MARCHF7: variants seen among roughly 807,000 people sequenced by gnomAD.
The protein encoded by MARCHF7 is membrane associated ring-CH-type finger 7.
MARCHF7 carries 20 observed loss-of-function variants against 76.5 expected under a neutral mutation model. The ratio of observed to expected loss-of-function variants is 0.26; its 90% CI spans 0.18 to 0.38. The LOEUF (loss-of-function observed/expected upper bound fraction) is 0.38. Ranked by LOEUF, MARCHF7 falls within the 10% of genes least tolerant of loss-of-function variation. MARCHF7 has a pLI of 1.00. For synonymous variants in MARCHF7, 295 were observed against 293.0 expected, an observed-to-expected ratio of 1.01 and a Z score of -0.07; for missense variants, 797 against 812.9, an observed-to-expected ratio of 0.98 and a Z score of 0.24.
chr2:159,735,434 A>G (rs1331346847), intron 4 of MARCHF7, among the ~76,000 whole-genome samples: 1 of 152,258 alleles, frequency 6.6e-6, no homozygotes, highest in Non-Finnish European at 1.5e-5. Flanking sequence ...TCTTCAGTAT[A>G]TTCACAGAGC....
chr2:159,715,236 T>C (rs1050299567), intron 2 of MARCHF7, among the ~76,000 whole-genome samples: 2 of 152,208 alleles, frequency 1.3e-5, no homozygotes, highest in African/African-American at 4.8e-5. Context: ...TTACTTGAAT[T>C]CACCAAAGCA....
At chr2:159,718,273 A>T (rs1701259656) in intron 3 of MARCHF7, among the ~76,000 whole-genome samples, 1 of 152,216 alleles carries the variant, frequency 6.6e-6, no homozygotes, top group African/African-American at 2.4e-5. Context: ...TTAGGCAAAG[A>T]TTGACTTATT....
At chr2:159,731,997 G>A (rs757067289) in intron 4 of MARCHF7, among the ~76,000 whole-genome samples, 44 of 151,892 alleles carry the variant, frequency 2.9e-4, no homozygotes, top group Non-Finnish European at 3.4e-4. Flanking sequence ...CCAGCTACTC[G>A]GGAGGCTGAG....
In MARCHF7 at chr2:159,735,614, T is replaced by TC. The variant is rs145991624; in HGVS notation, c.153+6439_153+6440insC. ...TCTTTTGTTAGTAGCTTCTTTGACT[T>TC]AGCATATTTTCAGTGTTCATCTATA... is the stretch of plus-strand genomic sequence containing the variant. On this transcript the variant is annotated intron_variant, in intron 4 of 11. Coordinates refer to ENST00000409175, the MANE Select transcript of MARCHF7 (RefSeq NM_001282805.2). Among the ~76,000 whole-genome samples the TC allele has an allele frequency of 6.2e-3, 945 of 152,366 alleles. 10 individuals are homozygous for TC. The highest frequency in any genetic ancestry group is 0.021 in the African/African-American group (893 of 41,588).
chr2:159,717,762 A>G (rs1428694128), intron 3 of MARCHF7, among the ~76,000 whole-genome samples: 1 of 152,178 alleles, frequency 6.6e-6, no homozygotes, highest in Non-Finnish European at 1.5e-5. Context: ...TTTTTTTGAA[A>G]ACTAAGTATA....
At chr2:159,751,624 C>G (rs1020339537) in intron 7 of MARCHF7, among the ~76,000 whole-genome samples, 1 of 152,146 alleles carries the variant, frequency 6.6e-6, no homozygotes, top group Non-Finnish European at 1.5e-5. Context: ...AGTAACAGTT[C>G]AGCATTCTGT....
chr2:159,745,233 T>C (rs938691263), intron 5 of MARCHF7, among the ~76,000 whole-genome samples: 6 of 152,254 alleles, frequency 3.9e-5, no homozygotes, highest in African/African-American at 9.6e-5. Context: ...TAGATTTTAA[T>C]GTTAGGCAGA....
At chr2:159,713,914 T>G (rs1241790967) in intron 1 of MARCHF7, among the ~76,000 whole-genome samples, 2 of 152,140 alleles carry the variant, frequency 1.3e-5, no homozygotes, top group African/African-American at 4.8e-5. Flanking sequence ...ATAATACTAG[T>G]CTTGGTTTTT....
At chr2:159,721,877 A>T (rs531073138) in intron 3 of MARCHF7, among the ~76,000 whole-genome samples, 181 of 152,314 alleles carry the variant, frequency 1.2e-3, no homozygotes, top group African/African-American at 4.1e-3. Flanking sequence ...TGAAGCTTGG[A>T]GCCCACACCT....
At chr2:159,743,860 A>G (rs1704460515) in intron 5 of MARCHF7, among the ~76,000 whole-genome samples, 1 of 151,550 alleles carries the variant, frequency 6.6e-6, no homozygotes, top group Admixed American at 6.6e-5. Flanking sequence ...GTGAGCTATG[A>G]TCATGCCAAT....
rs912210543 is a variant in MARCHF7, at chr2:159,769,600, C to T, written c.*2258C>T. 1 of 151,910 alleles carries T rather than the reference C, an allele frequency of 6.6e-6. No homozygotes were observed. The highest frequency in any genetic ancestry group is 2.4e-5 in the African/African-American group (1 of 41,296). The allele number at this position is 151,910 out of a possible 1,614,324, so 9.4% of individuals were successfully genotyped here. ...GGCGGAGATTGGAGAGAGCCAAGAT[C>T]GAGCCACTGCACTGTAGCCTGGGCA... On this transcript the variant is annotated 3_prime_UTR_variant, in exon 12 of 12. Coordinates refer to ENST00000409175, the MANE Select transcript of MARCHF7 (RefSeq NM_001282805.2).
Position 159,748,509 on chromosome 2 carries a change from G to T in MARCHF7, c.1219G>T (p.Asp407Tyr). 1 of 1,614,150 alleles carries T rather than the reference G, an allele frequency of 6.2e-7. No homozygotes were observed. Among genetic ancestry groups the T allele is most frequent in the Non-Finnish European group, 8.5e-7 (1 of 1,180,006 alleles). Residue 407 changes from aspartate to tyrosine, a missense_variant, in exon 7 of 12, where the codon GAT becomes TAT. By Grantham distance (160) the Asp-to-Tyr change is radical. Around this residue, in one of 3 missense-constraint regions of MARCHF7, gnomAD observed 643 missense variants for 631.5 expected, o/e 1.02. Coordinates refer to ENST00000409175, the MANE Select transcript of MARCHF7 (RefSeq NM_001282805.2). ...CTCTAGAAGGAGGCGAGAGGGAAGA[G>T]ATGAATCTTCAAGGATACCTACCTC... Reference protein sequence around the residue: ...LFSRRRREGRDESSRIPTSDT... With the variant: ...LFSRRRREGRYESSRIPTSDT...
rs748609514 is a variant in MARCHF7, at chr2:159,748,879, A to G, written c.1589A>G (p.Glu530Gly). The G allele has an allele frequency of 4.4e-6, 7 of 1,608,274 alleles. No individual in the cohort carries two copies. Among genetic ancestry groups the G allele is most frequent in the Non-Finnish European group, 5.1e-6 (6 of 1,177,604 alleles). Residue 530 changes from glutamate (E) to glycine (G), a missense_variant, in exon 7 of 12, where the codon GAA becomes GGA. Glu to Gly is a moderately conservative substitution (Grantham distance 98). Around this residue, in one of 3 missense-constraint regions of MARCHF7, gnomAD observed 643 missense variants for 631.5 expected, o/e 1.02. Transcript: ENST00000409175. ...KTKSAPSRDPERLQKIKESLL... is the reference protein window; with the variant it reads ...KTKSAPSRDPGRLQKIKESLL... ...AAAAGTGCGCCTTCAAGAGATCCAG[A>G]AAGATTGCAGAAAATAAAAGAGAGG...
intron 9 of MARCHF7, 171 bp downstream of exon 9, chr2:159,759,506 T>C: frequency 2.8e-6 from 1 of 350,998 alleles, no homozygotes. Flanking sequence ...TTTCATAATT[T>C]TTTTTTTTTT....
At chr2:159,763,108 T>A in intron 10 of MARCHF7, 115 bp downstream of exon 10, 1 of 510,802 alleles carries the variant, frequency 2.0e-6, no homozygotes, top group East Asian at 3.4e-5. Flanking sequence ...TTTTATTTTT[T>A]AAATGTTTCT....
intron 9 of MARCHF7, among the ~76,000 whole-genome samples, chr2:159,761,917 A>G (rs1478288135): frequency 2.0e-5 from 3 of 151,978 alleles, no homozygotes; most frequent in Non-Finnish European, 4.4e-5. Context: ...CTGTGGGGGG[A>G]AAAGAGAAAC....
chr2:159,770,966 A>C lies in MARCHF7; in HGVS notation c.*3624A>C, dbSNP rs1263867888. The C allele has an allele frequency of 6.6e-6, 1 of 152,170 alleles. No homozygotes were observed. Among genetic ancestry groups the C allele is most frequent in the Non-Finnish European group, 1.5e-5 (1 of 67,996 alleles). The allele number at this position is 152,170 out of a possible 1,614,324, so 9.4% of individuals were successfully genotyped here. A position where few individuals can be genotyped will look rare whatever the true frequency, so the allele number is the denominator to read the frequency against. ...AGCTTTTTCATTTTTTTACTCCCCA[A>C]ATGATTTTCACCTTTTTCTTAAAAT... On this transcript the variant is annotated 3_prime_UTR_variant, in exon 12 of 12. Coordinates refer to ENST00000409175, the MANE Select transcript of MARCHF7 (RefSeq NM_001282805.2).
At chr2:159,726,397 G>A (rs75589913) in intron 3 of MARCHF7, among the ~76,000 whole-genome samples, 6,290 of 152,128 alleles carry the variant, frequency 0.041, 417 homozygotes, top group African/African-American at 0.14. Flanking sequence ...TAAGTAGCTG[G>A]GACTACAGGC....
chr2:159,723,823 G>A (rs1439684315), intron 3 of MARCHF7, among the ~76,000 whole-genome samples: 1 of 152,124 alleles, frequency 6.6e-6, no homozygotes, highest in Non-Finnish European at 1.5e-5. Flanking sequence ...TATATACACA[G>A]TTTTTTCAAG....
Sources: gnomAD v4.1 joint callset for allele counts (sites outside exome capture counted in the v4.1 genomes callset) on GRCh38, gnomAD v4.1.1 for gene constraint, gnomAD v4.1.1 regional missense constraint, MANE v1.5 for transcripts, NCBI Gene and HGNC (gene_info 2026-07-23, HGNC 2026-07-21) for gene names.